The following PCDHA9 variants were observed in gnomAD, a reference collection of about 807,000 sequenced individuals.
PCDHA9 encodes the protein protocadherin alpha-9.
A neutral mutation model predicts 62.0 loss-of-function variants in PCDHA9; 62 were observed. The ratio of observed to expected loss-of-function variants is 1.00; its 90% CI spans 0.81 to 1.23. The LOEUF is 1.23. Ranked by LOEUF, PCDHA9 falls within the 50% of genes most tolerant of loss-of-function variation. PCDHA9 has a pLI of 0.00. For missense variants in PCDHA9, 1,205 were observed against 1,249.8 expected (o/e 0.96, Z 0.54); for synonymous variants, 557 against 567.6 (o/e 0.98, Z 0.27).
intron 1 of PCDHA9, among the ~76,000 whole-genome samples, chr5:140,912,783 A>G (rs1287611610): frequency 6.6e-6 from 1 of 152,166 alleles, no homozygotes; most frequent in African/African-American, 2.4e-5. Context: ...TGTCCCTTCT[A>G]TGCCAATTTT....
intron 1 of PCDHA9, among the ~76,000 whole-genome samples, chr5:140,925,505 C>A (rs528944783): frequency 6.6e-5 from 10 of 152,052 alleles, no homozygotes; most frequent in African/African-American, 2.2e-4. Flanking sequence ...CCAATATCCA[C>A]GCAAAAGACC....
intron 1 of PCDHA9, chr5:140,883,340 C>T (rs2059560429): frequency 6.2e-7 from 1 of 1,614,140 alleles, no homozygotes; most frequent in Non-Finnish European, 8.5e-7. Flanking sequence ...TTTGTCACTC[C>T]CCATCAGAGA....
chr5:140,898,118 A>T (rs2153459272), intron 1 of PCDHA9, among the ~76,000 whole-genome samples: 1 of 151,730 alleles, frequency 6.6e-6, no homozygotes, highest in Non-Finnish European at 1.5e-5. Context: ...GGTTGCGAAA[A>T]TTTTCTCCCA....
Position 141,010,254 on chromosome 5 carries a change from C to T in PCDHA9, c.*317C>T. Reference sequence around the variant, plus strand: ...GCCAGTGAGAGGTTGGACTCTCTGCCCTGTGCTCCGGGGATCCTGTCTTGA... The same window carrying T: ...GCCAGTGAGAGGTTGGACTCTCTGCTCTGTGCTCCGGGGATCCTGTCTTGA... On this transcript the variant is annotated 3_prime_UTR_variant, in exon 4 of 4. Transcript: ENST00000532602. The T allele has an allele frequency of 6.4e-7, 1 of 1,551,810 alleles. No individual in the cohort carries two copies. Among genetic ancestry groups the T allele is most frequent in the Non-Finnish European group, 8.7e-7 (1 of 1,147,018 alleles).
Position 140,848,448 on chromosome 5 carries a change from T to G in PCDHA9, c.-48T>G, listed in dbSNP as rs2150410519. 45 of 1,511,666 alleles carry G rather than the reference T, an allele frequency of 3.0e-5. 2 individuals carry two copies. The highest frequency in any genetic ancestry group is 3.9e-5 in the Non-Finnish European group (43 of 1,111,010). 93.6% of individuals were successfully genotyped at this position (1,511,666 alleles called of 1,614,324 possible). The stretch of plus-strand genomic sequence containing the variant: ...ACTGACGAAATCAGATGATTTCTTC[T>G]AATTTGGAGGCAATTTTCACTAATT... On this transcript the variant is annotated 5_prime_UTR_variant, in exon 1 of 4. The change abolishes the stop of an existing upstream ORF in the 5' untranslated region. Transcript: ENST00000532602.
At chr5:140,941,202 C>CCTTTCTTCCTTCCTTTCTTTCTTT (rs1394736170) in intron 1 of PCDHA9, among the ~76,000 whole-genome samples, 4 of 122,742 alleles carry the variant, frequency 3.3e-5, no homozygotes, top group African/African-American at 5.9e-5. Context: ...TTTCTTTCTT[C>CCTTTCTTCCTTCCTTTCTTTCTTT]CTTTCTTTCT....
At chr5:140,883,544 A>T in intron 1 of PCDHA9, 1 of 1,614,168 alleles carries the variant, frequency 6.2e-7, no homozygotes, top group South Asian at 1.1e-5. Flanking sequence ...ACTGGTGGTG[A>T]CCGCGCGGGA....
intron 1 of PCDHA9, among the ~76,000 whole-genome samples, chr5:140,922,064 T>C (rs2080596272): frequency 6.6e-6 from 1 of 152,054 alleles, no homozygotes; most frequent in Non-Finnish European, 1.5e-5. Flanking sequence ...AATGTAGCAA[T>C]CCCACTAAGC....
chr5:140,936,151 C>T (rs947807537), intron 1 of PCDHA9, among the ~76,000 whole-genome samples: 66 of 152,246 alleles, frequency 4.3e-4, no homozygotes, highest in African/African-American at 1.5e-3. Context: ...CCTTGGCCTC[C>T]TAAAGTGCTG....
intron 3 of PCDHA9, among the ~76,000 whole-genome samples, chr5:140,991,593 C>T (rs2097461164): frequency 6.6e-6 from 1 of 152,196 alleles, no homozygotes; most frequent in South Asian, 2.1e-4. Flanking sequence ...TCTACCTGAG[C>T]CCTCACTGGC....
chr5:140,914,915 T>G (rs1037949691), intron 1 of PCDHA9, among the ~76,000 whole-genome samples: 8 of 151,746 alleles, frequency 5.3e-5, no homozygotes, highest in Non-Finnish European at 1.0e-4. Context: ...TTTCTCTGTG[T>G]CTTATTGTAC....
chr5:140,969,399 AT>A, intron 1 of PCDHA9: 1 of 1,580,514 alleles, frequency 6.3e-7, no homozygotes, highest in Non-Finnish European at 8.6e-7. Context: ...ATATCCTGTG[AT>A]TTGGCTTTAT....
rs535720832 is a variant in PCDHA9 at position 140,876,757 on chromosome 5, G to A, written c.2394+25868G>A. On this transcript the variant is annotated intron_variant, in intron 1 of 3. Transcript: ENST00000532602. ...CTATGAGCTGGTGGTGACTGCGCGG[G>A]ATGGGGGCTCGCCTTCGCTGTGGGC... 85 of 1,614,274 alleles carry A rather than the reference G, an allele frequency of 5.3e-5. No individual in the cohort carries two copies. The South Asian group carries it at 8.8e-4, about 17-fold the overall frequency.
rs2150477798 is a variant in PCDHA9 at position 140,850,289 on chromosome 5, C to T, written c.1794C>T (p.Asp598=). Residue 598 remains aspartate (D), a synonymous_variant, in exon 1 of 4, where the codon GAC becomes GAT. Coordinates refer to ENST00000532602, the MANE Select transcript of PCDHA9 (RefSeq NM_031857.2). ...GVVVGKVRAV[D]ADSGYNAWLS... is the part of the protein sequence containing the mutation. ...TGGTGGGGAAGGTGCGCGCAGTGGA[C>T]GCCGACTCGGGCTACAACGCGTGGC... 1.9e-6 allele frequency: 3 copies of T among 1,595,826 alleles called. No homozygotes were observed. In the East Asian group the frequency reaches 6.7e-5, roughly 36 times the overall value.
chr5:140,887,801 G>T (rs1377550372), intron 1 of PCDHA9, among the ~76,000 whole-genome samples: 1 of 151,856 alleles, frequency 6.6e-6, no homozygotes, highest in Non-Finnish European at 1.5e-5. Context: ...CTTTATTTTT[G>T]TCCATTTCTT....
intron 3 of PCDHA9, among the ~76,000 whole-genome samples, chr5:140,989,470 C>T (rs1365588787): frequency 6.6e-6 from 1 of 152,148 alleles, no homozygotes; most frequent in African/African-American, 2.4e-5. Context: ...TGGAACTCCT[C>T]CTGGGAGGTG....
In PCDHA9 at chr5:141,009,853, G is replaced by A. The variant is rs1482682626; in HGVS notation, c.2769G>A (p.Lys923=). The change falls in exon 4 of 4, where the codon AAG becomes AAA. Residue 923 remains lysine (K), a synonymous_variant. Transcript: ENST00000532602. ...FITFGKKEET[K]KKKKKKKGNK... ...CCTTCGGCAAAAAGGAGGAGACCAAGAAAAAGAAGAAAAAGAAGAAGGGTA... is the reference window on the plus strand; with the variant it reads ...CCTTCGGCAAAAAGGAGGAGACCAAAAAAAAGAAGAAAAAGAAGAAGGGTA... 12 of 1,613,590 alleles carry A rather than the reference G, an allele frequency of 7.4e-6. No individual in the cohort carries two copies. Among genetic ancestry groups the A allele is most frequent in the Non-Finnish European group, 1.0e-5 (12 of 1,179,924 alleles).
At chr5:140,898,366 A>G (rs1401153740) in intron 1 of PCDHA9, among the ~76,000 whole-genome samples, 1 of 152,132 alleles carries the variant, frequency 6.6e-6, no homozygotes, top group Non-Finnish European at 1.5e-5. Flanking sequence ...TAATTTTTGT[A>G]TAAGGTGTAA....
chr5:140,851,268 G>T lies in PCDHA9; in HGVS notation c.2394+379G>T, dbSNP rs2042007881. ...TGATGCATAGTATTTTAGTCTACTT[G>T]TATTGTTTATAAGAAACCCAAGCAA... On this transcript the variant is annotated intron_variant, in intron 1 of 3. Transcript: ENST00000532602. 2.8e-6 allele frequency: 3 copies of T among 1,069,204 alleles called. No homozygotes were observed. In the East Asian group the frequency reaches 1.3e-4, roughly 48 times the overall value. 66.2% of individuals were successfully genotyped at this position (1,069,204 alleles called of 1,614,324 possible).
Sources: allele counts gnomAD v4.1 joint callset (sites outside exome capture counted in the v4.1 genomes callset), GRCh38; gene constraint gnomAD v4.1.1; transcripts MANE v1.5; gene names NCBI Gene and HGNC (gene_info 2026-07-23, HGNC 2026-07-21).